MYLK: variants seen among roughly 807,000 people sequenced by gnomAD.
The protein encoded by MYLK is myosin light chain kinase, smooth muscle.
MYLK carries 106 observed loss-of-function variants against 203.4 expected under a neutral mutation model. The ratio of observed to expected loss-of-function variants is 0.52; its 90% CI spans 0.45 to 0.61. The LOEUF is 0.61. Among genes scored for constraint, MYLK ranks in the 20% least tolerant of loss-of-function variants. The probability of loss-of-function intolerance (pLI) is 0.00; values close to 1 mark genes in which losing one functional copy is unlikely to be tolerated. For synonymous variants in MYLK, 867 were observed against 959.5 expected, an observed-to-expected ratio of 0.90 and a Z score of 1.78; for missense variants, 2,072 against 2,442.3, an observed-to-expected ratio of 0.85 and a Z score of 3.20.
intron 3 of MYLK, among the ~76,000 whole-genome samples, chr3:123,809,629 G>A (rs531301370): frequency 3.9e-5 from 6 of 152,266 alleles, no homozygotes; most frequent in South Asian, 2.1e-4. Context: ...AGAGCCACTC[G>A]CACACTCTGC....
At chr3:123,798,034 G>A (rs911152269) in intron 3 of MYLK, among the ~76,000 whole-genome samples, 2 of 152,222 alleles carry the variant, frequency 1.3e-5, no homozygotes, top group Non-Finnish European at 2.9e-5. Context: ...GAGGGCCTGA[G>A]GCCCATGGGC....
Position 123,626,757 on chromosome 3 carries a change from G to C in MYLK, c.5238+61C>G, listed in dbSNP as rs1317063835. On this transcript the variant is annotated intron_variant, in intron 31 of 33. Coordinates refer to ENST00000360304, the MANE Select transcript of MYLK (RefSeq NM_053025.4). ...AGGCCAGGGCAAGCTGGGAATGAAA[G>C]TGGCTTGAACAACACAAATATGAGG... The C allele has an allele frequency of 4.3e-6, 7 of 1,612,224 alleles. No individual in the cohort carries two copies. The East Asian group carries it at 1.3e-4, about 31-fold the overall frequency.
intron 2 of MYLK, among the ~76,000 whole-genome samples, chr3:123,860,813 A>AG (rs750695408): frequency 6.6e-6 from 1 of 152,134 alleles, no homozygotes; most frequent in Non-Finnish European, 1.5e-5. Context: ...TAAAATGCAT[A>AG]GGGGGCCATA....
At chr3:123,779,261 T>C (rs1040862364) in intron 4 of MYLK, among the ~76,000 whole-genome samples, 2 of 152,202 alleles carry the variant, frequency 1.3e-5, no homozygotes, top group African/African-American at 4.8e-5. Context: ...CCAGTCTCCC[T>C]GGGCCCAACG....
intron 31 of MYLK, 61 bp downstream of exon 31, chr3:123,626,757 G>A: frequency 2.5e-6 from 4 of 1,612,342 alleles, no homozygotes; most frequent in Non-Finnish European, 3.4e-6. Flanking sequence ...GGGAATGAAA[G>A]TGGCTTGAAC....
intron 2 of MYLK, among the ~76,000 whole-genome samples, chr3:123,872,504 C>G (rs2032866259): frequency 6.6e-6 from 1 of 152,178 alleles, no homozygotes; most frequent in Non-Finnish European, 1.5e-5. Flanking sequence ...CTGGGCCCCT[C>G]TTATTTCTGA....
At chr3:123,622,419 T>G (rs1057077503) in intron 31 of MYLK, 7 of 152,250 alleles carry the variant, frequency 4.6e-5, no homozygotes, top group Non-Finnish European at 1.0e-4. Context: ...TATCCATAAA[T>G]GTGTAGCAAG....
intron 4 of MYLK, among the ~76,000 whole-genome samples, chr3:123,762,372 G>A (rs371748786): frequency 1.1e-4 from 17 of 151,900 alleles, no homozygotes; most frequent in African/African-American, 3.9e-4. Flanking sequence ...TGGGACCACA[G>A]GCACATGCCA....
At position 123,647,322 on chromosome 3, in the gene MYLK, C is replaced by T. The variant is rs1167183927; in HGVS notation, c.4521G>A (p.Arg1507=). 2 of 1,614,212 alleles carry T rather than the reference C, an allele frequency of 1.2e-6. No homozygotes were observed. The highest frequency in any genetic ancestry group is 3.3e-5 in the Admixed American group (2 of 60,026). The part of the protein sequence containing the change: ...AYSAKEKENI[R]QEISIMNCLH... ...GGCAGTTCATGATGCTAATCTCCTG[C>T]CGGATATTCTCTTTCTCTTTTGCTG... The change falls in exon 27 of 34, where the codon CGG becomes CGA. Residue 1507 remains arginine (R), a synonymous_variant. Transcript: ENST00000360304.
intron 9 of MYLK, chr3:123,734,532 C>T: frequency 3.3e-6 from 1 of 302,814 alleles, no homozygotes; most frequent in Non-Finnish European, 6.1e-6. Context: ...TCCACTCTGC[C>T]CTCTCTAATC....
At chr3:123,820,033 A>G (rs1212900650) in intron 3 of MYLK, among the ~76,000 whole-genome samples, 1 of 152,166 alleles carries the variant, frequency 6.6e-6, no homozygotes, top group Non-Finnish European at 1.5e-5. Flanking sequence ...GAGAACTGAA[A>G]GTTCTACCAG....
chr3:123,708,144 C>T, intron 15 of MYLK, 141 bp from the exon 16 acceptor site: 2 of 1,209,786 alleles, frequency 1.7e-6, no homozygotes, highest in South Asian at 1.3e-5. Flanking sequence ...TGATTGGATA[C>T]ACAAATGCAG....
chr3:123,670,639 C>T (rs1171998148), intron 20 of MYLK, among the ~76,000 whole-genome samples: 1 of 151,974 alleles, frequency 6.6e-6, no homozygotes, highest in East Asian at 1.9e-4. Context: ...TCTGTAGTCT[C>T]AGTTACTTGG....
chr3:123,827,572 TGAAGAA>T (rs1170131924), intron 3 of MYLK, among the ~76,000 whole-genome samples: 3 of 149,718 alleles, frequency 2.0e-5, no homozygotes, highest in Non-Finnish European at 4.5e-5. Flanking sequence ...CCTTCAGAAA[TGAAGAA>T]GAAATAAAAT....
chr3:123,808,998 G>T (rs1175091968), intron 3 of MYLK, among the ~76,000 whole-genome samples: 1 of 152,166 alleles, frequency 6.6e-6, no homozygotes. Flanking sequence ...GATGCCACAC[G>T]GAAGAGCTGG....
intron 11 of MYLK, among the ~76,000 whole-genome samples, chr3:123,730,241 G>C (rs1290622360): frequency 6.6e-6 from 1 of 152,076 alleles, no homozygotes; most frequent in Non-Finnish European, 1.5e-5. Flanking sequence ...AAAAAAGCAA[G>C]AAACCAAGCA....
chr3:123,688,963 G>C (rs2060563934), intron 19 of MYLK, among the ~76,000 whole-genome samples: 2 of 152,150 alleles, frequency 1.3e-5, no homozygotes, highest in Admixed American at 1.3e-4. Flanking sequence ...TTTCCCACTA[G>C]AAAAGTCCCA....
chr3:123,765,547 A>C (rs1576897966), intron 4 of MYLK, among the ~76,000 whole-genome samples: 8 of 151,986 alleles, frequency 5.3e-5, no homozygotes, highest in Admixed American at 4.6e-4. Flanking sequence ...AAAAAAAGAA[A>C]GGAAAAAAAA....
intron 3 of MYLK, among the ~76,000 whole-genome samples, chr3:123,796,779 G>A (rs537852630): frequency 6.6e-6 from 1 of 152,302 alleles, no homozygotes; most frequent in African/African-American, 2.4e-5. Flanking sequence ...TACTGCTGGT[G>A]AGACCATGAT....
Sources: gnomAD v4.1 joint callset for allele counts (sites outside exome capture counted in the v4.1 genomes callset) on GRCh38, gnomAD v4.1.1 for gene constraint, MANE v1.5 for transcripts, NCBI Gene and HGNC (gene_info 2026-07-23, HGNC 2026-07-21) for gene names.